The following GSN variants were observed in gnomAD, a reference collection of about 807,000 sequenced individuals.
GSN encodes the protein actin-depolymerizing factor.
GSN carries 56 observed loss-of-function variants against 85.7 expected under a neutral mutation model. The observed-to-expected ratio is 0.65, with a 90% CI of 0.53 to 0.82. The LOEUF is 0.82. Ranked by LOEUF, GSN falls within the 40% of genes least tolerant of loss-of-function variation. The pLI is 0.00. For missense variants in GSN, 857 were observed against 979.8 expected, an observed-to-expected ratio of 0.87 and a Z score of 1.67; for synonymous variants, 373 against 399.1, an observed-to-expected ratio of 0.93 and a Z score of 0.78.
chr9:121,286,166 G>A (rs1452267128), intron 2 of GSN: 4 of 1,535,100 alleles, frequency 2.6e-6, no homozygotes, highest in Non-Finnish European at 3.5e-6. Flanking sequence ...GAAGCCCTCA[G>A]GGGCAATTCT....
At chr9:121,272,835 T>C (rs890622361) in intron 1 of GSN, among the ~76,000 whole-genome samples, 1 of 152,228 alleles carries the variant, frequency 6.6e-6, no homozygotes, top group Non-Finnish European at 1.5e-5. Context: ...TTACGTTCTC[T>C]TCTTTGAGTC....
chr9:121,327,766 G>A (rs1180809404), intron 14 of GSN, among the ~76,000 whole-genome samples: 1 of 152,182 alleles, frequency 6.6e-6, no homozygotes, highest in Non-Finnish European at 1.5e-5. Flanking sequence ...CTGAGGTCGG[G>A]AGTTCAAGAC....
intron 4 of GSN, among the ~76,000 whole-genome samples, chr9:121,215,081 G>A (rs1457424925): frequency 1.3e-5 from 2 of 152,042 alleles, no homozygotes; most frequent in Admixed American, 6.6e-5. Context: ...GGTGGTAGCC[G>A]GCAATCCTTG....
chr9:121,257,973 T>A (rs1413548590), intron 6 of GSN, among the ~76,000 whole-genome samples: 1 of 152,070 alleles, frequency 6.6e-6, no homozygotes, highest in East Asian at 1.9e-4. Context: ...CATGGAAAAA[T>A]GTTTGCTTAA....
chr9:121,300,263 C>T (rs2059687721), intron 2 of GSN: 3 of 648,766 alleles, frequency 4.6e-6, no homozygotes, highest in Non-Finnish European at 8.5e-6. Context: ...TAACATCTTA[C>T]CTCCTGTCTC....
At chr9:121,266,808 C>A (rs2055228606), upstream of GSN, among the ~76,000 whole-genome samples, 1 of 152,158 alleles carries the variant, frequency 6.6e-6, no homozygotes, top group Non-Finnish European at 1.5e-5. Flanking sequence ...TGGCATGAGG[C>A]ATTCAAGAAA....
At chr9:121,233,486 A>C (rs2054432688) in intron 5 of GSN, among the ~76,000 whole-genome samples, 1 of 151,648 alleles carries the variant, frequency 6.6e-6, no homozygotes. Context: ...AAATAAATAA[A>C]TATCCAGGCT....
At chr9:121,220,258 A>G (rs1474179280) in intron 4 of GSN, among the ~76,000 whole-genome samples, 1 of 152,196 alleles carries the variant, frequency 6.6e-6, no homozygotes, top group East Asian at 1.9e-4. Context: ...CTGATTTGTC[A>G]TTGAATTCCT....
At chr9:121,331,112 A>G (rs1339724814) in intron 16 of GSN, among the ~76,000 whole-genome samples, 1 of 152,144 alleles carries the variant, frequency 6.6e-6, no homozygotes, top group Admixed American at 6.5e-5. Flanking sequence ...AGATCCTCCA[A>G]TTTTTAAAGA....
chr9:121,289,200 C>T lies in GSN; in HGVS notation c.-10+7638C>T, dbSNP rs554431807. ...TTTTTCTTTTTTTCTCCCTCCTCCT[C>T]CCTGTCTCTTTGGATGCCAAAGAGT... On this transcript the variant is annotated intron_variant, in intron 2 of 17. Transcript: ENST00000432226. Among the ~76,000 whole-genome samples the T allele has an allele frequency of 3.4e-4, 51 of 151,912 alleles. 1 individual carries two copies. Among genetic ancestry groups the T allele is most frequent in the African/African-American group, 9.9e-4 (41 of 41,434 alleles).
At chr9:121,252,517 G>A (rs1439160960) in intron 6 of GSN, among the ~76,000 whole-genome samples, 2 of 152,180 alleles carry the variant, frequency 1.3e-5, no homozygotes, top group Non-Finnish European at 2.9e-5. Context: ...TAGTCTTTTG[G>A]CAGTTGGAGG....
chr9:121,276,949 A>G (rs1158575468), intron 1 of GSN, among the ~76,000 whole-genome samples: 6 of 152,146 alleles, frequency 3.9e-5, no homozygotes, highest in Non-Finnish European at 8.8e-5. Flanking sequence ...AATAAAAAAA[A>G]AAGAAAGAAA....
intron 2 of GSN, 69 bp from the exon 3 acceptor site, chr9:121,301,890 GCCCT>G (rs777940477): frequency 3.9e-5 from 62 of 1,609,214 alleles, no homozygotes; most frequent in Non-Finnish European, 4.9e-5. Flanking sequence ...GCTAGAAACC[GCCCT>G]CCCTCATGCC....
chr9:121,240,481 A>G (rs919127904), intron 5 of GSN, among the ~76,000 whole-genome samples: 4 of 152,212 alleles, frequency 2.6e-5, no homozygotes, highest in East Asian at 1.9e-4. Flanking sequence ...AACTTCAACA[A>G]TCAGGCCTCG....
chr9:121,233,583 T>C (rs188883088), intron 5 of GSN, among the ~76,000 whole-genome samples: 31 of 152,228 alleles, frequency 2.0e-4, no homozygotes, highest in Non-Finnish European at 3.5e-4. Flanking sequence ...AGTTAAACCT[T>C]CAGATGGTTC....
At chr9:121,274,593 C>T (rs1196059509) in intron 1 of GSN, among the ~76,000 whole-genome samples, 1 of 152,172 alleles carries the variant, frequency 6.6e-6, no homozygotes, top group Non-Finnish European at 1.5e-5. Flanking sequence ...GGGACCACTG[C>T]AACAGGGTCC....
chr9:121,313,752 G>A (rs2061421309), intron 6 of GSN, 182 bp from the exon 7 acceptor site: 3 of 639,094 alleles, frequency 4.7e-6, no homozygotes, highest in Non-Finnish European at 8.5e-6. Flanking sequence ...CAAGGTGGAA[G>A]GGACCTCTGA....
upstream of GSN, among the ~76,000 whole-genome samples, chr9:121,263,336 G>A (rs1158533660): frequency 1.3e-5 from 2 of 152,228 alleles, no homozygotes; most frequent in African/African-American, 2.4e-5. Context: ...AGATAATAGT[G>A]AAATATAGTA....
chr9:121,213,017 G>C (rs768551102), intron 4 of GSN, among the ~76,000 whole-genome samples: 1 of 152,068 alleles, frequency 6.6e-6, no homozygotes, highest in Non-Finnish European at 1.5e-5. Context: ...AAGGCAGCGT[G>C]AAGGAAGGAG....
Sources: gnomAD v4.1 joint callset for allele counts (sites outside exome capture counted in the v4.1 genomes callset) on GRCh38, gnomAD v4.1.1 for gene constraint, MANE v1.5 for transcripts, NCBI Gene and HGNC (gene_info 2026-07-23, HGNC 2026-07-21) for gene names.